TDRD12: variants seen among roughly 807,000 people sequenced by gnomAD.
TDRD12 encodes the protein putative ATP-dependent RNA helicase TDRD12.
A neutral mutation model predicts 133.5 loss-of-function variants in TDRD12; 158 were observed. The observed-to-expected ratio is 1.18, with a 90% CI of 1.04 to 1.35. TDRD12 has a LOEUF of 1.35. Among genes scored for constraint, TDRD12 ranks in the 40% most tolerant of loss-of-function variants. The pLI is 0.00. For missense variants in TDRD12, 1,443 were observed against 1,321.3 expected (o/e 1.09, Z -1.43); for synonymous variants, 460 against 477.9 (o/e 0.96, Z 0.49).
At chr19:32,724,382 C>G (rs1168720644) in intron 1 of TDRD12, among the ~76,000 whole-genome samples, 1 of 152,082 alleles carries the variant, frequency 6.6e-6, no homozygotes, top group Non-Finnish European at 1.5e-5. Flanking sequence ...CTCTCCCTCC[C>G]CTCTGTCCCA....
chr19:32,822,418 T>C (rs12327875), downstream of TDRD12, among the ~76,000 whole-genome samples: 89,683 of 151,954 alleles, frequency 0.59, 27,310 homozygotes, highest in East Asian at 0.83. Context: ...GGCAACAGAA[T>C]GAGACTCCGT....
At chr19:32,816,422 C>T (rs760989030) in intron 26 of TDRD12, among the ~76,000 whole-genome samples, 4 of 152,152 alleles carry the variant, frequency 2.6e-5, no homozygotes, top group Non-Finnish European at 2.9e-5. Flanking sequence ...AGTATGCCTC[C>T]TCTCCATAGT....
chr19:32,750,666 C>G (rs1969797074), intron 6 of TDRD12, among the ~76,000 whole-genome samples: 1 of 152,196 alleles, frequency 6.6e-6, no homozygotes, highest in Non-Finnish European at 1.5e-5. Context: ...GCTCCAGCAC[C>G]TCCCACTGCG....
At chr19:32,789,523 G>A (rs936119985) in intron 11 of TDRD12, among the ~76,000 whole-genome samples, 5 of 152,154 alleles carry the variant, frequency 3.3e-5, no homozygotes, top group African/African-American at 9.7e-5. Context: ...CTCATACGGT[G>A]GGTGGGCCTT....
exon 18 of TDRD12, chr19:32,800,724 G>T: frequency 6.5e-6 from 10 of 1,535,626 alleles, no homozygotes; most frequent in Non-Finnish European, 8.7e-6. Flanking sequence ...AGGCACAAAA[G>T]ACCTTGATCT....
intron 11 of TDRD12, among the ~76,000 whole-genome samples, chr19:32,785,817 G>A (rs539792667): frequency 2.0e-5 from 3 of 151,664 alleles, no homozygotes; most frequent in Admixed American, 1.3e-4. Flanking sequence ...TTGGGCCTAT[G>A]TGTGTCTTTG....
At chr19:32,754,669 C>CTTT (rs35714049) in intron 6 of TDRD12, among the ~76,000 whole-genome samples, 191 of 70,032 alleles carry the variant, frequency 2.7e-3, no homozygotes, top group Non-Finnish European at 3.2e-3. Flanking sequence ...ATGACTCTAT[C>CTTT]TTTTTTTTTT....
chr19:32,775,292 T>C (rs1172733410), intron 10 of TDRD12, among the ~76,000 whole-genome samples: 1 of 152,194 alleles, frequency 6.6e-6, no homozygotes, highest in Non-Finnish European at 1.5e-5. Flanking sequence ...GTCATCCACA[T>C]TCTGCTATTG....
intron 13 of TDRD12, among the ~76,000 whole-genome samples, chr19:32,794,394 C>T (rs770329176): frequency 9.2e-5 from 14 of 151,908 alleles, no homozygotes; most frequent in Admixed American, 3.3e-4. Context: ...CATGAGCCAC[C>T]GTGCCCTGCC....
At chr19:32,807,297 GAAA>G (rs1291761113) in intron 21 of TDRD12, among the ~76,000 whole-genome samples, 1 of 74,444 alleles carries the variant, frequency 1.3e-5, no homozygotes, top group Non-Finnish European at 2.5e-5. Flanking sequence ...AAAAAAAAAA[GAAA>G]GTTTGCTAGA....
chr19:32,800,858 T>G (rs1212414739), intron 18 of TDRD12, 86 bp downstream of exon 18: 1 of 1,334,762 alleles, frequency 7.5e-7, no homozygotes. Context: ...GGTGGTTGAC[T>G]CTGTGGCAGG....
intron 5 of TDRD12, among the ~76,000 whole-genome samples, chr19:32,749,500 G>A (rs1969758058): frequency 6.6e-6 from 1 of 152,152 alleles, no homozygotes; most frequent in African/African-American, 2.4e-5. Flanking sequence ...TTGCAGGGTA[G>A]AATGGACCTC....
At chr19:32,818,507 G>A (rs3760945) in intron 27 of TDRD12, among the ~76,000 whole-genome samples, 89,914 of 152,098 alleles carry the variant, frequency 0.59, 27,496 homozygotes, top group East Asian at 0.83. Context: ...GGACAAGACT[G>A]TGCCAGGAGC....
chr19:32,765,369 C>T (rs1970264914), intron 8 of TDRD12, among the ~76,000 whole-genome samples: 1 of 152,160 alleles, frequency 6.6e-6, no homozygotes, highest in Non-Finnish European at 1.5e-5. Context: ...TACCATTTGA[C>T]CCAGCCATCC....
intron 17 of TDRD12, 60 bp from the exon 18 acceptor site, chr19:32,800,584 A>C: frequency 1.4e-6 from 2 of 1,414,700 alleles, no homozygotes; most frequent in Non-Finnish European, 1.9e-6. Context: ...ACCTGTGGAA[A>C]GTGGATCTGG....
chr19:32,748,188 G>A (rs978213055), intron 4 of TDRD12, among the ~76,000 whole-genome samples: 3 of 152,118 alleles, frequency 2.0e-5, no homozygotes, highest in South Asian at 2.1e-4. Context: ...ATTTGTCTGG[G>A]GATGGTGGTG....
chr19:32,724,034 A>AT (rs1568441838), intron 1 of TDRD12, among the ~76,000 whole-genome samples: 2 of 151,458 alleles, frequency 1.3e-5, no homozygotes, highest in African/African-American at 4.9e-5. Flanking sequence ...ATTAAAAAAA[A>AT]TTTTTTTAGA....
chr19:32,757,730 A>C (rs894295445), intron 8 of TDRD12, among the ~76,000 whole-genome samples: 2 of 152,152 alleles, frequency 1.3e-5, no homozygotes, highest in Non-Finnish European at 2.9e-5. Flanking sequence ...GAGCAAAGCA[A>C]CTTAATTTGA....
exon 21 of TDRD12, chr19:32,802,995 CGGTGGGCGTCCT>C: frequency 6.5e-7 from 1 of 1,536,078 alleles, no homozygotes; most frequent in Non-Finnish European, 8.7e-7. Context: ...GCGAGCCATG[CGGTGGGCGTCCT>C]GCGCTACTTG....
Sources: gnomAD v4.1 joint callset for allele counts (sites outside exome capture counted in the v4.1 genomes callset) on GRCh38, gnomAD v4.1.1 for gene constraint, MANE v1.5 for transcripts, NCBI Gene and HGNC (gene_info 2026-07-23, HGNC 2026-07-21) for gene names.